FARP1: variants seen among roughly 807,000 people sequenced by gnomAD.
FARP1 encodes the protein FERM, ARHGEF and pleckstrin domain-containing protein 1.
Under a neutral mutation model 128.8 loss-of-function variants are expected in FARP1, and 52 were observed. The observed-to-expected ratio is 0.40, with a 90% confidence interval of 0.32 to 0.51. The LOEUF (loss-of-function observed/expected upper bound fraction) is 0.51, where lower values mean the gene tolerates loss of function less well. Among genes scored for constraint, FARP1 ranks in the 20% least tolerant of loss-of-function variants. The pLI, the probability that FARP1 is intolerant of heterozygous loss-of-function variation, is 0.45. For missense variants in FARP1, 1,333 were observed against 1,367.9 expected, an observed-to-expected ratio of 0.97 and a Z score of 0.40; for synonymous variants, 580 against 551.8, an observed-to-expected ratio of 1.05 and a Z score of -0.72.
chr13:98,260,611 A>T (rs1461038610), intron 2 of FARP1, among the ~76,000 whole-genome samples: 2 of 152,186 alleles, frequency 1.3e-5, no homozygotes, highest in Non-Finnish European at 2.9e-5. Context: ...TGCTTTATAA[A>T]GCTGCCCACA....
intron 2 of FARP1, among the ~76,000 whole-genome samples, chr13:98,233,025 G>A (rs1212003881): frequency 1.3e-5 from 2 of 152,222 alleles, no homozygotes; most frequent in Non-Finnish European, 1.5e-5. Flanking sequence ...CTTTGAGGCT[G>A]TAAGCGAGCA....
intron 2 of FARP1, among the ~76,000 whole-genome samples, chr13:98,337,630 A>C (rs1887800743): frequency 6.8e-6 from 1 of 147,388 alleles, no homozygotes; most frequent in African/African-American, 2.5e-5. Flanking sequence ...TTCACTGATG[A>C]ATTTTCCACA....
chr13:98,376,885 G>A (rs1447136112), intron 5 of FARP1, among the ~76,000 whole-genome samples: 1 of 151,482 alleles, frequency 6.6e-6, no homozygotes, highest in Non-Finnish European at 1.5e-5. Flanking sequence ...CTGATGATCA[G>A]TGATGTTGAG....
Position 98,337,584 on chromosome 13 carries a change from TG to T in FARP1, c.172-6177del, listed in dbSNP as rs1566893925. ...GTGTGTGTGTGTGTGTGTGTGTGTG[TG>T]TGTTTTGAAATAAGTTAACCTTTAA... On this transcript the variant is annotated intron_variant, in intron 2 of 26. Transcript: ENST00000319562. 2.7e-5 allele frequency among the ~76,000 whole-genome samples: 4 copies of T among 148,140 alleles called. No homozygotes were observed. In the East Asian group the frequency reaches 5.8e-4, roughly 22 times the overall value.
rs1424917374 is a variant in FARP1, at chr13:98,435,578, G to A, written c.2146G>A (p.Ala716Thr). The change falls in exon 19 of 27, where the codon GCT becomes ACT. Residue 716 changes from alanine to threonine, a missense_variant and splice_region_variant. By Grantham distance (58) the Ala-to-Thr change is moderately conservative. Around this residue, in one of 2 missense-constraint regions of FARP1, gnomAD observed 1,009 missense variants for 969.8 expected, o/e 1.04. Coordinates refer to ENST00000319562, the MANE Select transcript of FARP1 (RefSeq NM_005766.4). ...CTGTGTATGTCTTTCCTTCACAGCCGCTTTGGCAGAGATCACGGAGATGGT... is the reference window on the plus strand; with the variant it reads ...CTGTGTATGTCTTTCCTTCACAGCCACTTTGGCAGAGATCACGGAGATGGT... ...SHADFRDCRA[A>T]LAEITEMVAQ... The A allele has an allele frequency of 7.5e-5, 121 of 1,610,324 alleles. No homozygotes were observed. Among genetic ancestry groups the A allele is most frequent in the Non-Finnish European group, 9.4e-5 (111 of 1,177,850 alleles).
intron 2 of FARP1, among the ~76,000 whole-genome samples, chr13:98,336,131 A>G (rs1354690481): frequency 6.6e-6 from 1 of 152,226 alleles, no homozygotes; most frequent in East Asian, 1.9e-4. Flanking sequence ...CTCCCAACCT[A>G]TAGAAGGAAT....
At chr13:98,373,849 T>C (rs1225868983) in intron 5 of FARP1, among the ~76,000 whole-genome samples, 1 of 152,204 alleles carries the variant, frequency 6.6e-6, no homozygotes, top group Non-Finnish European at 1.5e-5. Flanking sequence ...TTAATTCTTA[T>C]GGAAACCTCT....
intron 2 of FARP1, among the ~76,000 whole-genome samples, chr13:98,255,665 G>C (rs185177001): frequency 5.9e-5 from 9 of 152,328 alleles, no homozygotes; most frequent in Admixed American, 5.2e-4. Context: ...AATATATTTT[G>C]TTTGTCTTTT....
chr13:98,347,126 C>CAAA (rs1347776615), intron 3 of FARP1, among the ~76,000 whole-genome samples: 1 of 152,184 alleles, frequency 6.6e-6, no homozygotes, highest in Non-Finnish European at 1.5e-5. Flanking sequence ...GCTGGATTTT[C>CAAA]CCCTCTGCCC....
chr13:98,269,462 C>T (rs984689198), intron 2 of FARP1, among the ~76,000 whole-genome samples: 2 of 152,168 alleles, frequency 1.3e-5, no homozygotes, highest in African/African-American at 4.8e-5. Flanking sequence ...TGCTTACATT[C>T]GTGTACTGTG....
At position 98,446,253 on chromosome 13, in the gene FARP1, A is replaced by C. The variant is rs771382222; in HGVS notation, c.2904+48A>C. 2.3e-6 allele frequency: 3 copies of C among 1,292,034 alleles called. No individual in the cohort carries two copies. In the African/African-American group the frequency reaches 4.4e-5, roughly 19 times the overall value. The allele number at this position is 1,292,034 out of a possible 1,614,324, so 80.0% of individuals were successfully genotyped here. A position where few individuals can be genotyped will look rare whatever the true frequency, so the allele number is the denominator to read the frequency against. ...GTGGCCCTGGGACCTTGGGGGTGGC[A>C]GCATGAGGTGAGGGGGCCGCCCTCC... is the stretch of plus-strand genomic sequence containing the variant. On this transcript the variant is annotated intron_variant, in intron 25 of 26. Transcript: ENST00000319562.
At chr13:98,290,054 C>CTTT (rs57453120) in intron 2 of FARP1, among the ~76,000 whole-genome samples, 4,235 of 136,182 alleles carry the variant, frequency 0.031, 103 homozygotes, top group Middle Eastern at 0.11. Context: ...GGAGATTTAT[C>CTTT]TTTTTTTTTT....
At chr13:98,147,477 C>G (rs1875656951) in intron 1 of FARP1, among the ~76,000 whole-genome samples, 2 of 152,072 alleles carry the variant, frequency 1.3e-5, no homozygotes. Flanking sequence ...GCCTTTAACT[C>G]TCAATTATGA....
chr13:98,307,698 T>G (rs1282562910), intron 2 of FARP1, among the ~76,000 whole-genome samples: 1 of 152,218 alleles, frequency 6.6e-6, no homozygotes, highest in Non-Finnish European at 1.5e-5. Flanking sequence ...CCTGTTTATC[T>G]CTGACTCTGC....
chr13:98,419,725 G>A (rs1287059441), intron 16 of FARP1, among the ~76,000 whole-genome samples: 1 of 152,144 alleles, frequency 6.6e-6, no homozygotes, highest in Admixed American at 6.5e-5. Flanking sequence ...TGTGGTATTG[G>A]TGTTGCAAGT....
chr13:98,293,549 A>C (rs755433194), intron 2 of FARP1, among the ~76,000 whole-genome samples: 4 of 152,208 alleles, frequency 2.6e-5, no homozygotes, highest in Non-Finnish European at 4.4e-5. Context: ...CCTGCACCCC[A>C]CAGAGAGGTT....
rs1243343398 is a variant in FARP1, at chr13:98,368,104, T to TC, written c.320-12dup. On this transcript the variant is annotated splice_polypyrimidine_tract_variant and intron_variant, in intron 4 of 26. Coordinates refer to ENST00000319562, the MANE Select transcript of FARP1 (RefSeq NM_005766.4). ...TCAGTAAATGCTTTACTTCTTTTTT[T>TC]CTTCTTCTTTAGGGCCAAAGCACGT... The TC allele has an allele frequency of 5.0e-6, 8 of 1,607,816 alleles. No individual in the cohort carries two copies. In the East Asian group the frequency reaches 1.1e-4, roughly 22 times the overall value.
chr13:98,386,226 G>A (rs1890093595), intron 8 of FARP1, among the ~76,000 whole-genome samples: 1 of 122,198 alleles, frequency 8.2e-6, no homozygotes, highest in Admixed American at 9.6e-5. Flanking sequence ...AGTTTGGCTT[G>A]AGCCAGCTTA....
At chr13:98,147,035 A>G (rs1234413722) in intron 1 of FARP1, among the ~76,000 whole-genome samples, 1 of 152,170 alleles carries the variant, frequency 6.6e-6, no homozygotes, top group Non-Finnish European at 1.5e-5. Context: ...AATTACTTGA[A>G]ATACTGATTT....
Sources: allele counts gnomAD v4.1 joint callset (sites outside exome capture counted in the v4.1 genomes callset), GRCh38; gene constraint gnomAD v4.1.1; regional missense constraint gnomAD v4.1.1; transcripts MANE v1.5; gene names NCBI Gene and HGNC (gene_info 2026-07-23, HGNC 2026-07-21).